Variants in KAZN observed in about 807,000 individuals in gnomAD.
KAZN encodes the protein kazrin, periplakin interacting protein.
Under a neutral mutation model 87.4 loss-of-function variants are expected in KAZN, and 40 were observed. The observed-to-expected ratio is 0.46, with a 90% CI of 0.36 to 0.60. The LOEUF (loss-of-function observed/expected upper bound fraction) is 0.60, where lower values mean the gene tolerates loss of function less well. Among genes scored for constraint, KAZN ranks in the 20% least tolerant of loss-of-function variants. KAZN has a pLI of 0.00. For missense variants in KAZN, 898 were observed against 1,073.9 expected, an observed-to-expected ratio of 0.84 and a Z score of 2.29; for synonymous variants, 466 against 458.3, an observed-to-expected ratio of 1.02 and a Z score of -0.22.
At chr1:14,532,116 G>A (rs1055054162) in intron 2 of KAZN, among the ~76,000 whole-genome samples, 1 of 152,150 alleles carries the variant, frequency 6.6e-6, no homozygotes, top group African/African-American at 2.4e-5. Context: ...GGTGGTGACT[G>A]TTGTGGGCAT....
At chr1:14,968,783 T>C (rs1664724547) in intron 2 of KAZN, among the ~76,000 whole-genome samples, 1 of 152,170 alleles carries the variant, frequency 6.6e-6, no homozygotes, top group South Asian at 2.1e-4. Context: ...AAACACAACT[T>C]TATTATTTAA....
chr1:14,120,212 CTT>C (rs1644721025), intron 1 of KAZN, among the ~76,000 whole-genome samples: 1 of 152,054 alleles, frequency 6.6e-6, no homozygotes. Flanking sequence ...CCTCAGGAAA[CTT>C]ATAATCATAG....
chr1:14,694,103 G>A (rs765727434), intron 1 of KAZN, among the ~76,000 whole-genome samples: 23 of 152,128 alleles, frequency 1.5e-4, no homozygotes, highest in Non-Finnish European at 2.2e-4. Context: ...GTTGTTTATC[G>A]GACTCCCTCC....
rs201481507 is a variant in KAZN, at chr1:15,050,159, G to GATAGAATAGAATAGAATAGAATAGAATA, written c.727-5932_727-5931insATAGAATAGAATAGAATAGAATAGAATA. 1.5e-5 allele frequency among the ~76,000 whole-genome samples: 2 copies of GATAGAATAGAATAGAATAGAATAGAATA among 131,238 alleles called. 1 individual carries two copies. Among genetic ancestry groups the GATAGAATAGAATAGAATAGAATAGAATA allele is most frequent in the African/African-American group, 5.7e-5 (2 of 34,812 alleles). 86.1% of individuals were successfully genotyped at this position (131,238 alleles called of 152,430 possible). On this transcript the variant is annotated intron_variant, in intron 4 of 14. Transcript: ENST00000376030. The stretch of plus-strand genomic sequence containing the variant: ...TCTCAATAGAATAATAGAATAGAAT[G>GATAGAATAGAATAGAATAGAATAGAATA]GAATAGAATAGAATAGAATAGAATA...
intron 2 of KAZN, among the ~76,000 whole-genome samples, chr1:14,544,510 T>C (rs1673020112): frequency 6.6e-6 from 1 of 151,868 alleles, no homozygotes; most frequent in Non-Finnish European, 1.5e-5. Flanking sequence ...CTTATGAAAT[T>C]CAAAAGTGCT....
chr1:14,667,435 G>GA (rs1639633789), intron 1 of KAZN, among the ~76,000 whole-genome samples: 1 of 152,186 alleles, frequency 6.6e-6, no homozygotes, highest in African/African-American at 2.4e-5. Flanking sequence ...CAGAAGTTGA[G>GA]AAAAATTGTT....
At chr1:14,694,369 G>A (rs1641486604) in intron 1 of KAZN, among the ~76,000 whole-genome samples, 1 of 152,224 alleles carries the variant, frequency 6.6e-6, no homozygotes, top group East Asian at 1.9e-4. Flanking sequence ...TTTTTAAGTT[G>A]GAGGGTAAGG....
intron 2 of KAZN, among the ~76,000 whole-genome samples, chr1:14,275,104 C>G (rs1334944335): frequency 6.6e-6 from 1 of 152,092 alleles, no homozygotes; most frequent in African/African-American, 2.4e-5. Context: ...CAGCCATGTT[C>G]CCACCACCCA....
At chr1:14,721,207 A>G (rs889174976) in intron 1 of KAZN, among the ~76,000 whole-genome samples, 20 of 152,204 alleles carry the variant, frequency 1.3e-4, no homozygotes, top group African/African-American at 3.1e-4. Context: ...GAGGGACCCA[A>G]TGGGAGGTAA....
chr1:14,138,754 G>C (rs953336403), intron 1 of KAZN, among the ~76,000 whole-genome samples: 1 of 152,198 alleles, frequency 6.6e-6, no homozygotes, highest in Non-Finnish European at 1.5e-5. Flanking sequence ...GGAAGCGTGT[G>C]TTCATGCTTT....
chr1:14,436,843 G>A (rs1401069784), intron 2 of KAZN, among the ~76,000 whole-genome samples: 1 of 152,194 alleles, frequency 6.6e-6, no homozygotes, highest in East Asian at 1.9e-4. Flanking sequence ...TCCGACAGCT[G>A]GTCAGTGGAG....
chr1:14,339,924 A>C (rs141503402), intron 2 of KAZN, among the ~76,000 whole-genome samples: 134 of 152,264 alleles, frequency 8.8e-4, no homozygotes, highest in South Asian at 6.0e-3. Flanking sequence ...TATTAACAAA[A>C]CACCACCCAA....
chr1:14,491,974 G>A (rs1467536672), intron 2 of KAZN, among the ~76,000 whole-genome samples: 1 of 152,110 alleles, frequency 6.6e-6, no homozygotes, highest in African/African-American at 2.4e-5. Context: ...CGAGCAGTAA[G>A]ACATTTAACA....
chr1:14,189,699 T>G (rs1433405556), intron 2 of KAZN, among the ~76,000 whole-genome samples: 1 of 152,194 alleles, frequency 6.6e-6, no homozygotes, highest in African/African-American at 2.4e-5. Flanking sequence ...TTCCAGCCTC[T>G]GTTTGTATCA....
chr1:14,801,538 A>G (rs918058797), intron 1 of KAZN, among the ~76,000 whole-genome samples: 5 of 152,124 alleles, frequency 3.3e-5, no homozygotes, highest in African/African-American at 1.2e-4. Context: ...GGGAAGGAGC[A>G]GAGGCCTCCC....
At chr1:14,224,825 C>T (rs186594085) in intron 2 of KAZN, among the ~76,000 whole-genome samples, 10 of 152,182 alleles carry the variant, frequency 6.6e-5, no homozygotes, top group African/African-American at 2.4e-4. Flanking sequence ...TTGTAACATC[C>T]GTTTGCTCCC....
At position 14,209,062 on chromosome 1, in the gene KAZN, C is replaced by T. The variant is rs574184869; in HGVS notation, c.249+28470C>T. The stretch of plus-strand genomic sequence containing the variant: ...ATGCTTGTACATTATCTCTGCTCCC[C>T]TATGCCCCCACCACTACCCTGCTCT... On this transcript the variant is annotated intron_variant, in intron 2 of 16. Transcript: ENST00000636203. Among the ~76,000 whole-genome samples, 10 of 152,348 alleles carry T rather than the reference C, an allele frequency of 6.6e-5. No homozygotes were observed. In the South Asian group the frequency reaches 1.0e-3, roughly 16 times the overall value.
At chr1:13,947,283 C>T (rs1021986875) in intron 1 of KAZN, among the ~76,000 whole-genome samples, 3 of 152,106 alleles carry the variant, frequency 2.0e-5, no homozygotes, top group African/African-American at 7.2e-5. Flanking sequence ...AAGCCATCAG[C>T]TCTTACGGGA....
At chr1:15,051,669 T>C (rs80251248) in intron 4 of KAZN, among the ~76,000 whole-genome samples, 1 of 152,190 alleles carries the variant, frequency 6.6e-6, no homozygotes, top group East Asian at 1.9e-4. Flanking sequence ...GTGTGGAGCC[T>C]ACCTTGGGAT....
Sources: allele counts gnomAD v4.1 joint callset (sites outside exome capture counted in the v4.1 genomes callset), GRCh38; gene constraint gnomAD v4.1.1; transcripts MANE v1.5; gene names NCBI Gene and HGNC (gene_info 2026-07-23, HGNC 2026-07-21).